The following CLBA1 variants were observed in gnomAD, a reference collection of about 807,000 sequenced individuals.
CLBA1 encodes uncharacterized protein CLBA1.
CLBA1 carries 30 observed loss-of-function variants against 28.8 expected under a neutral mutation model. That is an observed-to-expected ratio of 1.04 (90% confidence interval 0.78 to 1.41). The LOEUF (loss-of-function observed/expected upper bound fraction) is 1.41, where lower values mean the gene tolerates loss of function less well. Among genes scored for constraint, CLBA1 ranks in the 40% most tolerant of loss-of-function variants. The pLI, the probability that CLBA1 is intolerant of heterozygous loss-of-function variation, is 0.00. For missense variants in CLBA1, 451 were observed against 412.3 expected (o/e 1.09, Z -0.81); for synonymous variants, 160 against 152.8 (o/e 1.05, Z -0.35).
chr14:104,988,631 G>A (rs576073638), intron 1 of CLBA1, among the ~76,000 whole-genome samples: 377 of 152,278 alleles, frequency 2.5e-3, no homozygotes, highest in African/African-American at 8.6e-3. Context: ...GAGCCACCGC[G>A]CCCGGCCGCA....
rs1480195030 is a variant in CLBA1 at position 104,986,774 on chromosome 14, G to A, written c.343G>A (p.Ala115Thr). Residue 115 changes from alanine to threonine, a missense_variant, in exon 1 of 5, where the codon GCC becomes ACC. Coordinates refer to ENST00000547315, the MANE Select transcript of CLBA1 (RefSeq NM_174891.4). ...ACCCCAGCCACCGAGAACCACTTCT[G>A]CCCCAAAAGAGTGCAGTTCTCACCA... ...TEPQPPRTTS[A>T]PKECSSHQPC... 8 of 1,613,658 alleles carry A rather than the reference G, an allele frequency of 5.0e-6. No homozygotes were observed.
downstream of CLBA1, chr14:104,995,575 G>A (rs893586980): frequency 9.6e-6 from 9 of 935,118 alleles, no homozygotes; most frequent in African/African-American, 1.1e-4. Context: ...TGTCCCCAGG[G>A]GAGGCCTGAA....
intron 1 of CLBA1, 134 bp downstream of exon 1, chr14:104,986,988 C>T: frequency 9.3e-7 from 1 of 1,076,312 alleles, no homozygotes; most frequent in South Asian, 1.6e-5. Flanking sequence ...CTCTCCTGGC[C>T]TTCGTCCCTG....
At chr14:104,998,130 C>T (rs559211249), downstream of CLBA1, among the ~76,000 whole-genome samples, 5 of 151,898 alleles carry the variant, frequency 3.3e-5, no homozygotes, top group South Asian at 2.1e-4. Context: ...TTACTAGGCC[C>T]GGTATGTGGT....
intron 2 of CLBA1, among the ~76,000 whole-genome samples, chr14:105,001,227 G>A (rs1231574689): frequency 1.3e-5 from 2 of 152,202 alleles, no homozygotes; most frequent in Non-Finnish European, 2.9e-5. Flanking sequence ...CAGGTGTGGT[G>A]GCTCATGCCT....
rs1276454995 is a variant in CLBA1 at position 104,995,378 on chromosome 14, C to A, written c.*619C>A. 1.0e-5 allele frequency: 10 copies of A among 985,320 alleles called. No homozygotes were observed. Among genetic ancestry groups the A allele is most frequent in the Non-Finnish European group, 1.1e-5 (9 of 829,952 alleles). 61.0% of individuals were successfully genotyped at this position (985,320 alleles called of 1,614,324 possible). A position where few individuals can be genotyped will look rare whatever the true frequency, so the allele number is the denominator to read the frequency against. On this transcript the variant is annotated 3_prime_UTR_variant, in exon 5 of 5. Transcript: ENST00000547315. ...CACGGTTGTGGACAGGAGGTCGCACCACTGGCCTGCGAGAGCCTCTGGTGG... is the reference window on the plus strand; with the variant it reads ...CACGGTTGTGGACAGGAGGTCGCACAACTGGCCTGCGAGAGCCTCTGGTGG...
chr14:104,995,541 T>C, downstream of CLBA1: 1 of 976,818 alleles, frequency 1.0e-6, no homozygotes, highest in Non-Finnish European at 1.2e-6. Context: ...GTTCATCAGC[T>C]GGGGGGACTG....
At chr14:104,998,120 T>C (rs1900187454), downstream of CLBA1, among the ~76,000 whole-genome samples, 1 of 151,816 alleles carries the variant, frequency 6.6e-6, no homozygotes, top group African/African-American at 2.4e-5. Flanking sequence ...ATGTAAAGAA[T>C]TACTAGGCCC....
At chr14:104,989,518 G>A (rs1393108520) in intron 2 of CLBA1, 3 of 451,792 alleles carry the variant, frequency 6.6e-6, no homozygotes, top group South Asian at 1.6e-5. Flanking sequence ...ACACTCTGGA[G>A]CCCCATTGTC....
chr14:104,989,046 G>C lies in CLBA1; in HGVS notation c.527G>C (p.Ser176Thr). The change falls in exon 2 of 5, where the codon AGC becomes ACC. Residue 176 changes from serine to threonine, a missense_variant. Ser to Thr is a moderately conservative substitution (Grantham distance 58). Transcript: ENST00000547315. ...VSTIDHFLEI[S>T]SEEKPGVERV... ...ACCATAGACCATTTCCTAGAAATAAGCAGTGAAGAAAAACCTGGCGTTGAA... is the reference window on the plus strand; with the variant it reads ...ACCATAGACCATTTCCTAGAAATAACCAGTGAAGAAAAACCTGGCGTTGAA... The C allele has an allele frequency of 6.2e-7, 1 of 1,613,396 alleles. No individual in the cohort carries two copies. The highest frequency in any genetic ancestry group is 2.2e-5 in the East Asian group (1 of 44,878).
chr14:104,992,918 C>A, intron 3 of CLBA1, 30 bp from the exon 4 acceptor site: 1 of 1,511,534 alleles, frequency 6.6e-7, no homozygotes, highest in Non-Finnish European at 9.2e-7. Context: ...GATGACTGTA[C>A]CGGCTGTCTG....
chr14:104,992,852 G>GT, intron 3 of CLBA1, 96 bp from the exon 4 acceptor site: 1 of 1,047,016 alleles, frequency 9.6e-7, no homozygotes, highest in Non-Finnish European at 1.5e-6. Flanking sequence ...GAACTTTGCA[G>GT]TTTTAGCATG....
intron 1 of CLBA1, among the ~76,000 whole-genome samples, chr14:104,987,061 AG>A (rs1218169260): frequency 6.6e-6 from 1 of 152,252 alleles, no homozygotes; most frequent in Non-Finnish European, 1.5e-5. Context: ...AGGAGGCTGC[AG>A]AAATGGGTCA....
Position 104,989,108 on chromosome 14 carries a change from T to C in CLBA1, c.569+20T>C. ...ATTGTGGTAATGAACTGAAGAAATATTTCTTACAGCAACTGCTTTTGTACT... is the reference window on the plus strand; with the variant it reads ...ATTGTGGTAATGAACTGAAGAAATACTTCTTACAGCAACTGCTTTTGTACT... On this transcript the variant is annotated intron_variant, in intron 2 of 4. Transcript: ENST00000547315. 1 of 1,597,254 alleles carries C rather than the reference T, an allele frequency of 6.3e-7. No homozygotes were observed. Among genetic ancestry groups the C allele is most frequent in the Non-Finnish European group, 8.5e-7 (1 of 1,171,676 alleles).
In CLBA1 at chr14:104,991,361, C is replaced by T. The variant is rs144314105; in HGVS notation, c.570-130C>T. The T allele has an allele frequency of 1.8e-3, 1,917 of 1,082,030 alleles. 5 individuals carry two copies. Among genetic ancestry groups the T allele is most frequent in the Non-Finnish European group, 2.3e-3 (1,736 of 741,554 alleles). 67.0% of individuals were successfully genotyped at this position (1,082,030 alleles called of 1,614,324 possible). ...TTTTAGAGTTCTTAACAGCCATACG[C>T]CTCTTGGCTTGTGCGCGTCTCGGCT... is the stretch of plus-strand genomic sequence containing the variant. On this transcript the variant is annotated intron_variant, in intron 2 of 4. Coordinates refer to ENST00000547315, the MANE Select transcript of CLBA1 (RefSeq NM_174891.4).
At chr14:104,988,564 C>T (rs1899932661) in intron 1 of CLBA1, among the ~76,000 whole-genome samples, 1 of 152,166 alleles carries the variant, frequency 6.6e-6, no homozygotes, top group Non-Finnish European at 1.5e-5. Flanking sequence ...TGGTCTCGAA[C>T]TCCTGACCTC....
At position 104,986,616 on chromosome 14, in the gene CLBA1, C is replaced by T; in HGVS notation, c.185C>T (p.Ser62Phe). Residue 62 changes from serine (S) to phenylalanine (F), a missense_variant, in exon 1 of 5, where the codon TCC becomes TTC. By Grantham distance (155) the Ser-to-Phe change is radical (BLOSUM62 -2). Transcript: ENST00000547315. ...ASISMPREGG[S>F]TCTARCPDPG... ...ATCTCCATGCCCCGTGAGGGCGGTT[C>T]CACCTGCACTGCCCGATGTCCTGAC... is the stretch of plus-strand genomic sequence containing the variant. 6.2e-7 allele frequency: 1 copy of T among 1,614,110 alleles called. No individual in the cohort carries two copies. The highest frequency in any genetic ancestry group is 2.2e-5 in the East Asian group (1 of 44,872).
At chr14:105,001,238 G>A (rs776828103) in intron 2 of CLBA1, among the ~76,000 whole-genome samples, 1 of 152,222 alleles carries the variant, frequency 6.6e-6, no homozygotes, top group Non-Finnish European at 1.5e-5. Context: ...GCTCATGCCT[G>A]TAATCCCAGC....
chr14:104,998,893 C>T (rs540426996), downstream of CLBA1, among the ~76,000 whole-genome samples: 50 of 152,376 alleles, frequency 3.3e-4, no homozygotes, highest in Middle Eastern at 3.4e-3. Flanking sequence ...TGCTGGGCTC[C>T]TGTGCCAAAT....
Sources: gnomAD v4.1 joint callset for allele counts (sites outside exome capture counted in the v4.1 genomes callset) on GRCh38, gnomAD v4.1.1 for gene constraint, MANE v1.5 for transcripts, NCBI Gene and HGNC (gene_info 2026-07-23, HGNC 2026-07-21) for gene names.